Variants in SPTA1 observed in about 807,000 individuals in gnomAD.
SPTA1 encodes the protein spectrin alpha, erythrocytic 1, also known as spectrin alpha chain, erythrocytic 1.
In SPTA1, 177 loss-of-function variants were observed where a neutral mutation model predicts 324.7. The ratio of observed to expected loss-of-function variants is 0.55; its 90% CI spans 0.48 to 0.62. The LOEUF (loss-of-function observed/expected upper bound fraction) is 0.62. Ranked by LOEUF, SPTA1 falls within the 20% of genes least tolerant of loss-of-function variation. The pLI is 0.00. For synonymous variants in SPTA1, 1,195 were observed against 1,041.3 expected (o/e 1.15, Z -2.84); for missense variants, 3,162 against 2,883.6 (o/e 1.10, Z -2.21).
At chr1:158,624,220 A>C (rs527625331) in intron 42 of SPTA1, among the ~76,000 whole-genome samples, 1 of 152,300 alleles carries the variant, frequency 6.6e-6, no homozygotes, top group South Asian at 2.1e-4. Flanking sequence ...CCCCTGACAG[A>C]GCCCTCACTG....
chr1:158,676,371 A>G, intron 7 of SPTA1, 76 bp from the exon 8 acceptor site: 1 of 1,448,314 alleles, frequency 6.9e-7, no homozygotes, highest in East Asian at 2.3e-5. Flanking sequence ...TGGGAGAGGT[A>G]TAAAAAATCA....
At chr1:158,641,653 GGAA>G (rs1251931650) in intron 33 of SPTA1, among the ~76,000 whole-genome samples, 1 of 152,100 alleles carries the variant, frequency 6.6e-6, no homozygotes, top group Non-Finnish European at 1.5e-5. Flanking sequence ...TAAAAAGTCA[GGAA>G]ACAACAGGTG....
At chr1:158,676,000 C>T in intron 8 of SPTA1, 141 bp downstream of exon 8, 1 of 1,118,072 alleles carries the variant, frequency 8.9e-7, no homozygotes, top group Non-Finnish European at 1.3e-6. Flanking sequence ...CCTTTGGCAA[C>T]TTAAATATTT....
chr1:158,663,938 G>A (rs1486327850), intron 16 of SPTA1, among the ~76,000 whole-genome samples: 4 of 152,184 alleles, frequency 2.6e-5, no homozygotes, highest in Admixed American at 6.5e-5. Flanking sequence ...TTGCCATTCA[G>A]TGCTCAATCT....
chr1:158,652,473 G>C lies in SPTA1; in HGVS notation c.3369C>G (p.Phe1123Leu), dbSNP rs1266306609. The C allele has an allele frequency of 1.2e-6, 2 of 1,613,950 alleles. No individual in the cohort carries two copies. Among genetic ancestry groups the C allele is most frequent in the Non-Finnish European group, 8.5e-7 (1 of 1,180,018 alleles). The change falls in exon 23 of 52, where the codon TTC (phenylalanine) becomes TTG (leucine). Residue 1123 changes from phenylalanine to leucine, a missense_variant. Transcript: ENST00000643759. Reference sequence around the variant, plus strand: ...GAAGGTTCCTCTTTCTCACCTTTTGGAACTCATCAAACTTTTTCTGCAGCT... The same window carrying C: ...GAAGGTTCCTCTTTCTCACCTTTTGCAACTCATCAAACTTTTTCTGCAGCT... ...VWELQKKFDE[F>L]QKDLNTNEPR...
intron 31 of SPTA1, 66 bp from the exon 32 acceptor site, chr1:158,643,042 A>G (rs1651732006): frequency 5.6e-6 from 9 of 1,599,184 alleles, no homozygotes; most frequent in African/African-American, 1.3e-5. Context: ...TGCCATATCC[A>G]TAAATCTTCC....
chr1:158,611,281 A>T lies in SPTA1; in HGVS notation c.7243T>A (p.Ser2415Thr). Residue 2415 changes from serine (S) to threonine (T), a missense_variant, in exon 52 of 52, where the codon TCC (serine) becomes ACC (threonine). Transcript: ENST00000643759. ...GCTGCTTATTAGTTGCCAAAGTAGG[A>T]ATTGGTGAAGCCAACGTAGTCATAG... ...SGYDYVGFTN[S>T]YFGN The T allele has an allele frequency of 6.2e-7, 1 of 1,613,790 alleles. No individual in the cohort carries two copies. The highest frequency in any genetic ancestry group is 8.5e-7 in the Non-Finnish European group (1 of 1,179,784).
At chr1:158,644,153 A>G (rs1651821108) in intron 30 of SPTA1, 100 bp downstream of exon 30, 3 of 1,498,978 alleles carry the variant, frequency 2.0e-6, no homozygotes, top group African/African-American at 2.8e-5. Flanking sequence ...AAAAAAAGTA[A>G]ATCAAAATGT....
At chr1:158,626,592 C>A (rs1162226577) in intron 41 of SPTA1, among the ~76,000 whole-genome samples, 2 of 152,156 alleles carry the variant, frequency 1.3e-5, no homozygotes, top group South Asian at 4.1e-4. Context: ...AAAATGTGTT[C>A]TCTGGAGTTA....
chr1:158,650,024 G>C (rs1557958159), intron 24 of SPTA1, 77 bp from the exon 25 acceptor site: 2 of 972,448 alleles, frequency 2.1e-6, no homozygotes, highest in East Asian at 2.5e-5. Flanking sequence ...GACCAGACAA[G>C]ATTTAAAACA....
At position 158,662,813 on chromosome 1, in the gene SPTA1, G is replaced by A. The variant is rs2022057; in HGVS notation, c.2353C>T (p.Arg785Ter). The A allele has an allele frequency of 1.9e-6, 3 of 1,613,950 alleles. No homozygotes were observed. The highest frequency in any genetic ancestry group is 1.7e-6 in the Non-Finnish European group (2 of 1,179,974). The stretch of plus-strand genomic sequence containing the variant: ...AGAAGGTCTAAGAGCTTCTTCTTTC[G>A]GGTGGCCAGTGGCTCTTTCAGAGCT... The part of the protein sequence containing the change: ...FEALKEPLAT[R>*]KKKLLDLLHL... Residue 785 changes from arginine to a stop codon, truncating the protein, a stop_gained, in exon 17 of 52, where the codon CGA (arginine) becomes TGA (stop). Transcript: ENST00000643759. LOFTEE classifies it high-confidence loss of function.
At chr1:158,667,034 T>C (rs1653654064) in intron 15 of SPTA1, among the ~76,000 whole-genome samples, 1 of 152,222 alleles carries the variant, frequency 6.6e-6, no homozygotes, top group Non-Finnish European at 1.5e-5. Context: ...TGTACTATTA[T>C]CTTATTGCAA....
chr1:158,681,774 C>T, intron 3 of SPTA1, 107 bp from the exon 4 acceptor site: 1 of 1,414,176 alleles, frequency 7.1e-7, no homozygotes, highest in South Asian at 1.2e-5. Context: ...CTCTCAGTTA[C>T]TCATGCATTA....
Position 158,612,958 on chromosome 1 carries a change from C to T in SPTA1, c.6993G>A (p.Lys2331=), listed in dbSNP as rs756870527. 6.2e-7 allele frequency: 1 copy of T among 1,613,790 alleles called. No individual in the cohort carries two copies. Among genetic ancestry groups the T allele is most frequent in the Non-Finnish European group, 8.5e-7 (1 of 1,179,850 alleles). The stretch of plus-strand genomic sequence containing the variant: ...TATAGTCCTCCAGTGAGACATAGCC[C>T]TTCCTGTGGGAGAAATGGATCAGGA... The part of the protein sequence containing the change: ...KFLDAVDPGR[K]GYVSLEDYTA... Residue 2331 remains lysine (K), a synonymous_variant, in exon 51 of 52, where the codon AAG becomes AAA. Coordinates refer to ENST00000643759, the MANE Select transcript of SPTA1 (RefSeq NM_003126.4).
intron 5 of SPTA1, among the ~76,000 whole-genome samples, chr1:158,678,812 G>A (rs1462411859): frequency 1.3e-5 from 2 of 152,060 alleles, no homozygotes; most frequent in African/African-American, 4.8e-5. Context: ...TATTTTTAGA[G>A]CTCCACCTTG....
chr1:158,639,281 C>A (rs16840423), intron 35 of SPTA1: 1 of 350,516 alleles, frequency 2.9e-6, no homozygotes, highest in Non-Finnish European at 5.3e-6. Flanking sequence ...AATACCAGAT[C>A]AAATATATAG....
chr1:158,645,697 A>G, intron 27 of SPTA1, 103 bp from the exon 28 acceptor site: 1 of 1,266,250 alleles, frequency 7.9e-7, no homozygotes, highest in Non-Finnish European at 1.2e-6. Flanking sequence ...TTCCAGAATA[A>G]CATTTTTTAT....
rs748353283 is a variant in SPTA1 at position 158,672,184 on chromosome 1, C to T, written c.1363G>A (p.Asp455Asn). The T allele has an allele frequency of 8.1e-6, 13 of 1,613,818 alleles. No individual in the cohort carries two copies. Among genetic ancestry groups the T allele is most frequent in the Non-Finnish European group, 1.0e-5 (12 of 1,179,890 alleles). Reference protein sequence around the residue: ...DEVREKMEILDNNWTALLELW... With the variant: ...DEVREKMEILNNNWTALLELW... Reference sequence around the variant, plus strand: ...TCCAGCAGGGCAGTCCAGTTGTTGTCAAGTATTTCCATCTTTGGAAAGAAG... The same window carrying T: ...TCCAGCAGGGCAGTCCAGTTGTTGTTAAGTATTTCCATCTTTGGAAAGAAG... The change falls in exon 11 of 52, where the codon GAC (aspartate) becomes AAC (asparagine). Residue 455 changes from aspartate to asparagine, a missense_variant. Transcript: ENST00000643759.
At chr1:158,617,044 TAA>T (rs66621886) in intron 47 of SPTA1, among the ~76,000 whole-genome samples, 6 of 150,916 alleles carry the variant, frequency 4.0e-5, no homozygotes, top group African/African-American at 1.5e-4. Flanking sequence ...AGAATAATAG[TAA>T]AAAAAAAATG....
Sources: allele counts gnomAD v4.1 joint callset (sites outside exome capture counted in the v4.1 genomes callset), GRCh38; gene constraint gnomAD v4.1.1; transcripts MANE v1.5; gene names NCBI Gene and HGNC (gene_info 2026-07-23, HGNC 2026-07-21).